The following RALGAPA1 variants were observed in gnomAD, a reference collection of about 807,000 sequenced individuals.
The protein encoded by RALGAPA1 is Ral GTPase activating protein catalytic subunit alpha 1.
RALGAPA1 carries 52 observed loss-of-function variants against 269.6 expected under a neutral mutation model. The ratio of observed to expected loss-of-function variants is 0.19; its 90% CI spans 0.15 to 0.24. The LOEUF (loss-of-function observed/expected upper bound fraction) is 0.24, where lower values mean the gene tolerates loss of function less well. Among genes scored for constraint, RALGAPA1 ranks in the 10% least tolerant of loss-of-function variants. The pLI is 1.00. For synonymous variants in RALGAPA1, 817 were observed against 1,008.3 expected, an observed-to-expected ratio of 0.81 and a Z score of 3.60; for missense variants, 1,917 against 3,013.9, an observed-to-expected ratio of 0.64 and a Z score of 8.52.
intron 35 of RALGAPA1, 31 bp downstream of exon 35, chr14:35,625,330 C>G: frequency 7.0e-7 from 1 of 1,430,572 alleles, no homozygotes; most frequent in Non-Finnish European, 9.8e-7. Context: ...CTGAGAGTTG[C>G]TAGTTATGTG....
In RALGAPA1 at chr14:35,683,832, G is replaced by A; in HGVS notation, c.4448C>T (p.Ser1483Phe). ...ACCAGTAATAGTTGCAACTTCAGCA[G>A]AGAAAGCTTGCTGATTAAGACTGCT... ...ETSSLNQQAF[S>F]AEVATITGSE... is the part of the protein sequence containing the mutation. The change falls in exon 21 of 42, where the codon TCT becomes TTT. Residue 1483 changes from serine (S) to phenylalanine (F), a missense_variant. Coordinates refer to ENST00000680220, the MANE Select transcript of RALGAPA1 (RefSeq NM_001346249.2). 3 of 1,601,744 alleles carry A rather than the reference G, an allele frequency of 1.9e-6. No homozygotes were observed. Among genetic ancestry groups the A allele is most frequent in the Non-Finnish European group, 2.6e-6 (3 of 1,171,996 alleles).
At chr14:35,609,249 A>AC (rs2059778769) in intron 35 of RALGAPA1, among the ~76,000 whole-genome samples, 1 of 151,806 alleles carries the variant, frequency 6.6e-6, no homozygotes, top group Non-Finnish European at 1.5e-5. Flanking sequence ...CCAAAAAACA[A>AC]AAAAAAACAA....
chr14:35,763,274 C>T (rs1385991982), intron 4 of RALGAPA1, among the ~76,000 whole-genome samples: 1 of 151,572 alleles, frequency 6.6e-6, no homozygotes, highest in East Asian at 1.9e-4. Flanking sequence ...TGCAGAGGAC[C>T]ACCACTCAGT....
intron 21 of RALGAPA1, among the ~76,000 whole-genome samples, chr14:35,683,183 C>T (rs1472305809): frequency 6.6e-6 from 1 of 152,166 alleles, no homozygotes; most frequent in Non-Finnish European, 1.5e-5. Context: ...GCTGCTCAGG[C>T]TCATTCTAAT....
At chr14:35,655,513 A>T (rs1478159664) in intron 29 of RALGAPA1, among the ~76,000 whole-genome samples, 1 of 152,046 alleles carries the variant, frequency 6.6e-6, no homozygotes, top group African/African-American at 2.4e-5. Context: ...AAAACCAGAA[A>T]AACCCTATAT....
intron 7 of RALGAPA1, among the ~76,000 whole-genome samples, chr14:35,754,159 G>A (rs543867420): frequency 2.0e-5 from 3 of 152,206 alleles, no homozygotes; most frequent in South Asian, 2.1e-4. Flanking sequence ...AGAACAAAAC[G>A]TAGGAGAATA....
intron 35 of RALGAPA1, among the ~76,000 whole-genome samples, chr14:35,608,554 G>A (rs2059726183): frequency 6.6e-6 from 1 of 152,164 alleles, no homozygotes; most frequent in Non-Finnish European, 1.5e-5. Flanking sequence ...CAGAGCTACA[G>A]TGGCTATACT....
intron 1 of RALGAPA1, among the ~76,000 whole-genome samples, chr14:35,779,392 C>T (rs932989469): frequency 1.3e-5 from 2 of 151,942 alleles, no homozygotes; most frequent in African/African-American, 4.8e-5. Context: ...AGCATGGTGG[C>T]ATGTGCCTCT....
At chr14:35,659,369 T>C (rs1052512776) in intron 27 of RALGAPA1, among the ~76,000 whole-genome samples, 173 bp from the exon 28 acceptor site, 1 of 152,256 alleles carries the variant, frequency 6.6e-6, no homozygotes. Context: ...CTGAAATTTA[T>C]AGCCAAAAGC....
chr14:35,598,976 T>C (rs2059103732), intron 36 of RALGAPA1, among the ~76,000 whole-genome samples: 1 of 152,226 alleles, frequency 6.6e-6, no homozygotes, highest in Non-Finnish European at 1.5e-5. Context: ...ATCATTCTTT[T>C]GAGTGTACAC....
chr14:35,706,883 G>A (rs535332321), intron 16 of RALGAPA1: 2 of 152,204 alleles, frequency 1.3e-5, no homozygotes, highest in Admixed American at 6.5e-5. Flanking sequence ...AAAATAACTT[G>A]TTAAGAACAA....
chr14:35,635,673 T>C, intron 31 of RALGAPA1, 75 bp from the exon 32 acceptor site: 3 of 1,324,742 alleles, frequency 2.3e-6, no homozygotes, highest in South Asian at 4.3e-5. Context: ...TTTCTTATTC[T>C]TGAGTTTCCA....
intron 35 of RALGAPA1, among the ~76,000 whole-genome samples, chr14:35,617,010 A>G (rs2060292667): frequency 6.6e-6 from 1 of 152,242 alleles, no homozygotes; most frequent in African/African-American, 2.4e-5. Context: ...TAGCTAAACA[A>G]TAATGATAAT....
intron 4 of RALGAPA1, chr14:35,766,369 T>C (rs1339820732): frequency 2.2e-6 from 3 of 1,385,938 alleles, no homozygotes; most frequent in Non-Finnish European, 3.1e-6. Flanking sequence ...AAACTATGTA[T>C]AGGTATTCCA....
chr14:35,652,244 C>G (rs942898462), intron 30 of RALGAPA1, among the ~76,000 whole-genome samples: 1 of 151,580 alleles, frequency 6.6e-6, no homozygotes, highest in African/African-American at 2.4e-5. Flanking sequence ...AGGCTGGGCA[C>G]GGTGGCTCAA....
At chr14:35,657,258 G>A (rs1042211121) in intron 28 of RALGAPA1, among the ~76,000 whole-genome samples, 24 of 150,124 alleles carry the variant, frequency 1.6e-4, no homozygotes, top group African/African-American at 4.9e-4. Context: ...GCGCGATCTC[G>A]GCTCACTGCA....
chr14:35,619,418 C>T (rs946092461), intron 35 of RALGAPA1, among the ~76,000 whole-genome samples: 1 of 152,064 alleles, frequency 6.6e-6, no homozygotes, highest in Non-Finnish European at 1.5e-5. Flanking sequence ...AATCGACACC[C>T]TAACATCACG....
At chr14:35,623,527 G>C (rs148262152) in intron 35 of RALGAPA1, among the ~76,000 whole-genome samples, 1 of 152,264 alleles carries the variant, frequency 6.6e-6, no homozygotes, top group African/African-American at 2.4e-5. Flanking sequence ...GAGGTACCAT[G>C]ATCTGCTTCT....
chr14:35,556,799 C>A (rs1436403818), intron 39 of RALGAPA1, among the ~76,000 whole-genome samples: 1 of 152,164 alleles, frequency 6.6e-6, no homozygotes, highest in Non-Finnish European at 1.5e-5. Flanking sequence ...GACTCAAAAT[C>A]CATAACAGGT....
Sources: gnomAD v4.1 joint callset for allele counts (sites outside exome capture counted in the v4.1 genomes callset) on GRCh38, gnomAD v4.1.1 for gene constraint, MANE v1.5 for transcripts, NCBI Gene and HGNC (gene_info 2026-07-23, HGNC 2026-07-21) for gene names.